The following C10orf143 variants were observed in gnomAD, a reference collection of about 807,000 sequenced individuals.
C10orf143 encodes chromosome 10 open reading frame 143, also known as uncharacterized protein C10orf143.
intron 3 of C10orf143, among the ~76,000 whole-genome samples, chr10:130,044,746 C>T (rs761747922): frequency 6.6e-6 from 1 of 152,162 alleles, no homozygotes; most frequent in East Asian, 1.9e-4. Context: ...CATTTGTCAA[C>T]GGACCACTTG....
At chr10:130,087,599 AG>A (rs1217437113) in intron 1 of C10orf143, among the ~76,000 whole-genome samples, 1 of 152,192 alleles carries the variant, frequency 6.6e-6, no homozygotes, top group African/African-American at 2.4e-5. Context: ...CCATTTGTTG[AG>A]GGGGACTTCT....
intron 1 of C10orf143, among the ~76,000 whole-genome samples, chr10:130,102,274 ATTCGTTTATT>A (rs1325982324): frequency 6.6e-6 from 1 of 151,616 alleles, no homozygotes; most frequent in Non-Finnish European, 1.5e-5. Context: ...GCGGTTTGAT[ATTCGTTTATT>A]ATTTTTATTT....
chr10:130,095,245 G>A (rs1006244334), intron 1 of C10orf143, among the ~76,000 whole-genome samples: 1 of 151,454 alleles, frequency 6.6e-6, no homozygotes, highest in African/African-American at 2.4e-5. Context: ...GGGATGTGAA[G>A]GACCTCTTCA....
At chr10:130,092,003 C>T (rs2134789656) in intron 1 of C10orf143, among the ~76,000 whole-genome samples, 1 of 152,220 alleles carries the variant, frequency 6.6e-6, no homozygotes, top group Admixed American at 6.5e-5. Flanking sequence ...AGGATATTAT[C>T]CAGAAAAACT....
At chr10:130,077,571 G>A (rs1255196294) in intron 3 of C10orf143, among the ~76,000 whole-genome samples, 4 of 152,230 alleles carry the variant, frequency 2.6e-5, no homozygotes, top group Non-Finnish European at 1.5e-5. Flanking sequence ...GAGTGGGCAG[G>A]CCCACGTGTA....
chr10:130,036,537 CA>C (rs1409606238), intron 3 of C10orf143, among the ~76,000 whole-genome samples: 6 of 152,182 alleles, frequency 3.9e-5, no homozygotes, highest in Non-Finnish European at 8.8e-5. Flanking sequence ...TGGGCTGGGC[CA>C]TTTCTCCAAG....
intron 1 of C10orf143, among the ~76,000 whole-genome samples, chr10:130,085,007 A>G (rs1738599077): frequency 6.6e-6 from 1 of 152,262 alleles, no homozygotes; most frequent in African/African-American, 2.4e-5. Flanking sequence ...AGAATAAAGT[A>G]AATGCCTATT....
chr10:130,074,231 G>A (rs1398863004), intron 3 of C10orf143, among the ~76,000 whole-genome samples: 1 of 152,216 alleles, frequency 6.6e-6, no homozygotes, highest in Non-Finnish European at 1.5e-5. Context: ...GTGCATGGCA[G>A]TCCAATGGCT....
At chr10:130,086,040 T>C (rs1861286102) in intron 1 of C10orf143, among the ~76,000 whole-genome samples, 1 of 152,220 alleles carries the variant, frequency 6.6e-6, no homozygotes, top group South Asian at 2.1e-4. Context: ...AGACTCTTCA[T>C]ATCCTAGACA....
At chr10:130,100,563 C>T (rs1468700644) in intron 1 of C10orf143, among the ~76,000 whole-genome samples, 2 of 151,918 alleles carry the variant, frequency 1.3e-5, no homozygotes, top group Non-Finnish European at 2.9e-5. Flanking sequence ...TTAAATTTAG[C>T]AGAGAAGAAC....
intron 3 of C10orf143, among the ~76,000 whole-genome samples, chr10:130,070,029 T>C (rs1340971590): frequency 1.3e-5 from 2 of 152,186 alleles, no homozygotes; most frequent in East Asian, 1.9e-4. Context: ...AGTTTTTAAA[T>C]ATATATCATG....
At position 130,056,708 on chromosome 10, in the gene C10orf143, C is replaced by CAGCCTCCTGAGTAGCTGGGATTACA. The variant is rs1860799467; in HGVS notation, c.298-20763_298-20739dup. Reference sequence around the variant, plus strand: ...CTGGGTTCATGCCATTCTCCTGCCTCAGCCTCCTGAGTAGCTGGGATTACA... The same window carrying CAGCCTCCTGAGTAGCTGGGATTACA: ...CTGGGTTCATGCCATTCTCCTGCCTCAGCCTCCTGAGTAGCTGGGATTACAAGCCTCCTGAGTAGCTGGGATTACA... On this transcript the variant is annotated intron_variant and NMD_transcript_variant, in intron 3 of 5. Coordinates refer to the C10orf143 transcript ENST00000643056. The surrounding 1 kb of genome is among the most constrained non-coding windows in gnomAD (Gnocchi z 4.6). Among the ~76,000 whole-genome samples, 1 of 152,074 alleles carries CAGCCTCCTGAGTAGCTGGGATTACA rather than the reference C, an allele frequency of 6.6e-6. No individual in the cohort carries two copies. The highest frequency in any genetic ancestry group is 1.5e-5 in the Non-Finnish European group (1 of 68,018).
At chr10:130,108,719 A>G (rs966182999) in intron 1 of C10orf143, among the ~76,000 whole-genome samples, 1 of 152,234 alleles carries the variant, frequency 6.6e-6, no homozygotes. Flanking sequence ...GTAATCTTGC[A>G]GGTGGGGAGG....
intron 3 of C10orf143, among the ~76,000 whole-genome samples, chr10:130,076,765 G>A (rs1258426533): frequency 1.3e-5 from 2 of 152,046 alleles, no homozygotes; most frequent in Admixed American, 6.6e-5. Flanking sequence ...CTTGGTTACC[G>A]TGTGGCCTGT....
chr10:130,079,936 A>G (rs1262894587), intron 1 of C10orf143, 35 bp from the exon 2 acceptor site: 7 of 398,534 alleles, frequency 1.8e-5, no homozygotes, highest in African/African-American at 1.4e-4. Context: ...AGATGGTCTC[A>G]TAAAGCACAC....
chr10:130,107,672 C>T (rs777974565), intron 1 of C10orf143: 117 of 1,298,726 alleles, frequency 9.0e-5, no homozygotes, highest in Non-Finnish European at 1.2e-4. Context: ...GGAGGGTCCA[C>T]TCAGACTCTC....
intron 1 of C10orf143, among the ~76,000 whole-genome samples, chr10:130,093,860 G>A (rs1861421517): frequency 6.6e-6 from 1 of 151,682 alleles, no homozygotes; most frequent in South Asian, 2.1e-4. Flanking sequence ...AATATAAAAA[G>A]TTAACCAAGT....
At chr10:130,049,674 GCAGT>G (rs1161170545) in intron 3 of C10orf143, among the ~76,000 whole-genome samples, 1 of 152,198 alleles carries the variant, frequency 6.6e-6, no homozygotes, top group African/African-American at 2.4e-5. Context: ...CGCTGACTTC[GCAGT>G]CACTTTGTTG....
chr10:130,086,905 C>T (rs866691537), intron 1 of C10orf143, among the ~76,000 whole-genome samples: 103 of 152,312 alleles, frequency 6.8e-4, no homozygotes, highest in African/African-American at 2.4e-3. Flanking sequence ...ACATTAAGGT[C>T]AGCAGACTTG....
Sources: gnomAD v4.1 joint callset for allele counts (sites outside exome capture counted in the v4.1 genomes callset) on GRCh38, gnomAD v4.1.1 for gene constraint, Gnocchi (gnomAD v3.1) non-coding constraint, MANE v1.5 for transcripts, NCBI Gene and HGNC (gene_info 2026-07-23, HGNC 2026-07-21) for gene names.